The following LMO7 variants were observed in gnomAD, a reference collection of about 807,000 sequenced individuals.
LMO7 encodes LIM domain only protein 7.
In LMO7, 120 loss-of-function variants were observed where a neutral mutation model predicts 206.5. That is an observed-to-expected ratio of 0.58 (90% CI 0.50 to 0.68). LMO7 has a LOEUF of 0.68. LMO7 is among the 30% of genes least tolerant of loss of function. The pLI is 0.00. For synonymous variants in LMO7, 706 were observed against 681.5 expected, an observed-to-expected ratio of 1.04 and a Z score of -0.56; for missense variants, 1,959 against 1,957.9, an observed-to-expected ratio of 1.00 and a Z score of -0.01.
intron 4 of LMO7, among the ~76,000 whole-genome samples, chr13:75,772,371 GT>G (rs1447687125): frequency 1.3e-5 from 2 of 152,114 alleles, no homozygotes; most frequent in Non-Finnish European, 2.9e-5. Context: ...AAACACTTGA[GT>G]TTTAAAGCTA....
intron 25 of LMO7, among the ~76,000 whole-genome samples, chr13:75,844,597 C>T (rs777168177): frequency 8.6e-5 from 13 of 151,654 alleles, no homozygotes; most frequent in South Asian, 4.2e-4. Context: ...TTTGTAGAGA[C>T]GGGGTTTCAC....
Position 75,833,046 on chromosome 13 carries a change from T to C in LMO7, c.2950-5T>C. On this transcript the variant is annotated splice_polypyrimidine_tract_variant and splice_region_variant and intron_variant, in intron 15 of 30. Coordinates refer to ENST00000377534, the MANE Select transcript of LMO7 (RefSeq NM_001306080.2). ...GGATACCAGCGTTTCATGTTTTGTT[T>C]TCAGGATCAGTTCAGTGATATGAGA... 6.4e-7 allele frequency: 1 copy of C among 1,562,278 alleles called. No individual in the cohort carries two copies. Among genetic ancestry groups the C allele is most frequent in the Non-Finnish European group, 8.8e-7 (1 of 1,133,364 alleles).
chr13:75,696,094 T>G (rs7999158), intron 1 of LMO7, among the ~76,000 whole-genome samples: 1 of 152,012 alleles, frequency 6.6e-6, no homozygotes, highest in African/African-American at 2.4e-5. Flanking sequence ...CTGTGGCTCA[T>G]GCCTGTAATC....
intron 4 of LMO7, among the ~76,000 whole-genome samples, chr13:75,779,051 C>G (rs1235835178): frequency 6.6e-6 from 1 of 152,030 alleles, no homozygotes; most frequent in African/African-American, 2.4e-5. Flanking sequence ...TGAGAGTTTT[C>G]AGGAAAGGGA....
In LMO7 at chr13:75,660,310, T is replaced by C. The variant is rs569426674; in HGVS notation, c.69+23584T>C. Among the ~76,000 whole-genome samples, 3 of 152,370 alleles carry C rather than the reference T, an allele frequency of 2.0e-5. No individual in the cohort carries two copies. The South Asian group carries it at 6.2e-4, about 32-fold the overall frequency. On this transcript the variant is annotated intron_variant, in intron 1 of 30. Coordinates refer to ENST00000377534, the MANE Select transcript of LMO7 (RefSeq NM_001306080.2). ...ATTGCCCCATTTTACTCTGTATTTA[T>C]CTTACTGTAGCTTATCCTTTAAAAA...
At chr13:75,799,482 A>G (rs12429534) in intron 6 of LMO7, among the ~76,000 whole-genome samples, 15,921 of 152,200 alleles carry the variant, frequency 0.1, 1,175 homozygotes, top group East Asian at 0.21. Context: ...TCCTAAGAAT[A>G]TGAATATTCT....
chr13:75,807,361 T>G, intron 9 of LMO7, 119 bp from the exon 10 acceptor site: 1 of 1,019,802 alleles, frequency 9.8e-7, no homozygotes, highest in Non-Finnish European at 1.4e-6. Context: ...TCTAAAATGA[T>G]TTACCCTCAG....
chr13:75,745,988 A>G (rs2046807056), intron 3 of LMO7, among the ~76,000 whole-genome samples: 1 of 152,132 alleles, frequency 6.6e-6, no homozygotes, highest in African/African-American at 2.4e-5. Context: ...TATCCGGTTG[A>G]TCCTCTTTCT....
chr13:75,788,088 G>A (rs765120843), intron 4 of LMO7, among the ~76,000 whole-genome samples: 9 of 152,118 alleles, frequency 5.9e-5, no homozygotes, highest in African/African-American at 1.4e-4. Flanking sequence ...CCTAGGTTTT[G>A]AAGAGCAATA....
At chr13:75,634,706 G>A (rs1190780882), upstream of LMO7, among the ~76,000 whole-genome samples, 2 of 151,996 alleles carry the variant, frequency 1.3e-5, no homozygotes, top group Non-Finnish European at 1.5e-5. Context: ...TTGCACCACT[G>A]CACTCCAGCC....
At chr13:75,649,856 A>G (rs1422176745) in intron 1 of LMO7, among the ~76,000 whole-genome samples, 1 of 152,214 alleles carries the variant, frequency 6.6e-6, no homozygotes, top group Non-Finnish European at 1.5e-5. Flanking sequence ...GCTCTGTTTT[A>G]GAAACACTTG....
intron 4 of LMO7, among the ~76,000 whole-genome samples, chr13:75,783,836 A>G (rs2051951660): frequency 6.6e-6 from 1 of 152,072 alleles, no homozygotes; most frequent in Non-Finnish European, 1.5e-5. Flanking sequence ...TTAACTTCTT[A>G]GGTGTGTATT....
intron 14 of LMO7, among the ~76,000 whole-genome samples, chr13:75,823,010 T>C (rs1393631047): frequency 6.6e-6 from 1 of 151,904 alleles, no homozygotes; most frequent in Non-Finnish European, 1.5e-5. Flanking sequence ...GTCCATACTA[T>C]GGAACATTCA....
intron 2 of LMO7, among the ~76,000 whole-genome samples, chr13:75,713,471 A>G (rs1364913866): frequency 6.6e-6 from 1 of 152,128 alleles, no homozygotes; most frequent in Non-Finnish European, 1.5e-5. Context: ...GGTAAAATAT[A>G]TATTATTTTT....
chr13:75,836,502 C>T, intron 19 of LMO7, 45 bp downstream of exon 19: 1 of 976,218 alleles, frequency 1.0e-6, no homozygotes, highest in Admixed American at 2.7e-5. Flanking sequence ...CAGGAAAAGA[C>T]ATAGCACTCA....
chr13:75,664,432 G>A (rs1230671102), intron 1 of LMO7, among the ~76,000 whole-genome samples: 1 of 152,058 alleles, frequency 6.6e-6, no homozygotes, highest in South Asian at 2.1e-4. Context: ...ATCTGCTGAT[G>A]GACACTTAGG....
At chr13:75,724,400 A>C (rs1318561806) in intron 2 of LMO7, among the ~76,000 whole-genome samples, 2 of 152,172 alleles carry the variant, frequency 1.3e-5, no homozygotes, top group Admixed American at 6.5e-5. Flanking sequence ...ACAGGCTGAA[A>C]AAATGGCTCC....
chr13:75,822,508 G>A lies in LMO7; in HGVS notation c.2640+899G>A, dbSNP rs369899449. On this transcript the variant is annotated intron_variant, in intron 14 of 30. Transcript: ENST00000377534. ...AGAAAATGTTTCTACAAATTGGTAAGCAAATACACTAGCAAAATGAATATA... is the reference window on the plus strand; with the variant it reads ...AGAAAATGTTTCTACAAATTGGTAAACAAATACACTAGCAAAATGAATATA... Among the ~76,000 whole-genome samples, 34 of 151,968 alleles carry A rather than the reference G, an allele frequency of 2.2e-4. No individual in the cohort carries two copies. In the East Asian group the frequency reaches 4.8e-3, roughly 22 times the overall value.
intron 2 of LMO7, among the ~76,000 whole-genome samples, chr13:75,721,779 G>A (rs960975630): frequency 6.6e-6 from 1 of 152,146 alleles, no homozygotes; most frequent in Admixed American, 6.5e-5. Context: ...CTATAAACAT[G>A]GGTGTGCAAG....
Sources: allele counts gnomAD v4.1 joint callset (sites outside exome capture counted in the v4.1 genomes callset), GRCh38; gene constraint gnomAD v4.1.1; transcripts MANE v1.5; gene names NCBI Gene and HGNC (gene_info 2026-07-23, HGNC 2026-07-21).